PHF20: variants seen among roughly 807,000 people sequenced by gnomAD.
PHF20 encodes the protein PHD finger protein 20, also known as glioma-expressed antigen 2.
PHF20 carries 23 observed loss-of-function variants against 113.5 expected under a neutral mutation model. That is an observed-to-expected ratio of 0.20 (90% CI 0.15 to 0.29). PHF20 has a LOEUF of 0.29. Ranked by LOEUF, PHF20 falls within the 10% of genes least tolerant of loss-of-function variation. PHF20 has a pLI of 1.00. For synonymous variants in PHF20, 434 were observed against 457.3 expected (o/e 0.95, Z 0.65); for missense variants, 943 against 1,219.6 (o/e 0.77, Z 3.38).
intron 9 of PHF20, among the ~76,000 whole-genome samples, chr20:35,889,704 C>T (rs890667387): frequency 6.9e-6 from 1 of 144,572 alleles, no homozygotes; most frequent in African/African-American, 2.7e-5. Context: ...CATGCATATT[C>T]TGTTTCTTAA....
chr20:35,835,268 C>T (rs1196413253), intron 2 of PHF20, among the ~76,000 whole-genome samples: 3 of 150,940 alleles, frequency 2.0e-5, no homozygotes, highest in Non-Finnish European at 4.4e-5. Flanking sequence ...GAGCGAGATG[C>T]CATCTCAAAA....
chr20:35,936,174 T>C (rs963526172), intron 15 of PHF20, among the ~76,000 whole-genome samples: 1 of 152,216 alleles, frequency 6.6e-6, no homozygotes, highest in African/African-American at 2.4e-5. Flanking sequence ...GTGTGTTCCA[T>C]GTTAACAGGT....
At chr20:35,833,861 C>A (rs2042393787) in intron 2 of PHF20, among the ~76,000 whole-genome samples, 1 of 152,064 alleles carries the variant, frequency 6.6e-6, no homozygotes, top group South Asian at 2.1e-4. Context: ...AGTTCAAGAC[C>A]AGCCTGGCCA....
At chr20:35,801,727 G>A (rs1215202060) in intron 2 of PHF20, 122 bp downstream of exon 2, 4 of 633,002 alleles carry the variant, frequency 6.3e-6, no homozygotes, top group South Asian at 5.8e-5. Flanking sequence ...TGGAAGATGT[G>A]AGGAAATGTC....
intron 12 of PHF20, among the ~76,000 whole-genome samples, chr20:35,915,087 C>CAT (rs1468154450): frequency 2.0e-5 from 3 of 147,914 alleles, no homozygotes; most frequent in African/African-American, 2.5e-5. Context: ...CACTTACACA[C>CAT]ATATATATAT....
chr20:35,922,950 AC>A (rs1211512437), intron 13 of PHF20, among the ~76,000 whole-genome samples: 2 of 151,996 alleles, frequency 1.3e-5, no homozygotes, highest in Non-Finnish European at 2.9e-5. Flanking sequence ...CCCTGTCTCT[AC>A]AAAAAATACA....
chr20:35,938,556 C>T (rs984711611), intron 15 of PHF20, 141 bp from the exon 16 acceptor site: 1 of 786,912 alleles, frequency 1.3e-6, no homozygotes, highest in South Asian at 1.7e-5. Flanking sequence ...TTCACATTCG[C>T]TCTTGTTTAG....
intron 17 of PHF20, among the ~76,000 whole-genome samples, chr20:35,942,366 G>T (rs946493246): frequency 2.0e-5 from 3 of 152,178 alleles, no homozygotes; most frequent in African/African-American, 4.8e-5. Context: ...ACAAAAAAGT[G>T]TAGCTCTTGA....
In PHF20 at chr20:35,938,835, C is replaced by T. The variant is rs545031198; in HGVS notation, c.2439C>T (p.Asn813=). ...AAGCTCCAAGCTATAGAACTTTGAACGGGGCAGTGGAGAAGCCCAGGCCCC... is the reference window on the plus strand; with the variant it reads ...AAGCTCCAAGCTATAGAACTTTGAATGGGGCAGTGGAGAAGCCCAGGCCCC... ...KEEAPSYRTL[N]GAVEKPRPLA... is the part of the protein sequence containing the mutation. Residue 813 remains asparagine, a synonymous_variant, in exon 16 of 18, where the codon AAC becomes AAT. Transcript: ENST00000374012. 17 of 1,614,186 alleles carry T rather than the reference C, an allele frequency of 1.1e-5. No individual in the cohort carries two copies. Among genetic ancestry groups the T allele is most frequent in the South Asian group, 3.3e-5 (3 of 91,084 alleles).
At chr20:35,852,843 C>T (rs1006612936) in intron 4 of PHF20, among the ~76,000 whole-genome samples, 9 of 151,634 alleles carry the variant, frequency 5.9e-5, no homozygotes, top group African/African-American at 1.2e-4. Context: ...ATGATCCACC[C>T]GCGTCGGTCT....
rs2041723750 is a variant in PHF20, at chr20:35,798,963, T to A, written c.-32-2528T>A. On this transcript the variant is annotated intron_variant, in intron 1 of 17. Coordinates refer to ENST00000374012, the MANE Select transcript of PHF20 (RefSeq NM_016436.5). ...TTAATGTGAGCTCCATGTGGTACAATTTTGCATCCTGCCTTTTTATGTAAT... is the reference window on the plus strand; with the variant it reads ...TTAATGTGAGCTCCATGTGGTACAAATTTGCATCCTGCCTTTTTATGTAAT... Among the ~76,000 whole-genome samples the A allele has an allele frequency of 2.0e-5, 3 of 152,116 alleles. No individual in the cohort carries two copies. In the South Asian group the frequency reaches 6.2e-4, roughly 32 times the overall value.
chr20:35,898,454 G>T (rs2055032213), intron 9 of PHF20, among the ~76,000 whole-genome samples: 1 of 151,690 alleles, frequency 6.6e-6, no homozygotes. Context: ...TATTTTTTTT[G>T]AGACAGAGTC....
intron 1 of PHF20, chr20:35,800,266 A>G (rs192724300): frequency 6.6e-6 from 1 of 152,172 alleles, no homozygotes; most frequent in African/African-American, 2.4e-5. Context: ...GGACTCAAGA[A>G]GTAGGAAATA....
chr20:35,877,438 T>C (rs1002702074), intron 9 of PHF20, among the ~76,000 whole-genome samples: 2 of 151,640 alleles, frequency 1.3e-5, no homozygotes, highest in South Asian at 2.1e-4. Context: ...TCTTTTCTTT[T>C]TTTTCTTTTT....
chr20:35,938,308 A>T (rs1321336283), intron 15 of PHF20, among the ~76,000 whole-genome samples: 1 of 152,086 alleles, frequency 6.6e-6, no homozygotes, highest in African/African-American at 2.4e-5. Context: ...GGCCAAGAGG[A>T]GGGGTCCATT....
chr20:35,851,037 A>T (rs888437921), intron 4 of PHF20: 66 of 350,268 alleles, frequency 1.9e-4, no homozygotes, highest in African/African-American at 1.3e-3. Flanking sequence ...CAAATGATCC[A>T]CCCGCCTCAG....
rs1390666753 is a variant in PHF20 at position 35,870,965 on chromosome 20, G to A, written c.933G>A (p.Lys311=). ...PRLDKNSSQE[K]SKNYSENTDK... ...TTAATGGTTTAATAGCCCAGGAAAA[G>A]TCAAAAAACTACTCGGAAAACACTG... Residue 311 remains lysine (K), a synonymous_variant, in exon 8 of 18, where the codon AAG becomes AAA. Coordinates refer to ENST00000374012, the MANE Select transcript of PHF20 (RefSeq NM_016436.5). 1 of 1,593,638 alleles carries A rather than the reference G, an allele frequency of 6.3e-7. No individual in the cohort carries two copies. Among genetic ancestry groups the A allele is most frequent in the African/African-American group, 1.4e-5 (1 of 73,390 alleles).
chr20:35,872,251 G>A (rs939363876), intron 9 of PHF20, among the ~76,000 whole-genome samples: 7 of 151,598 alleles, frequency 4.6e-5, no homozygotes, highest in Non-Finnish European at 1.0e-4. Flanking sequence ...GGCTGGGCGC[G>A]ATGGCTCATG....
At chr20:35,859,189 G>T (rs1219064660) in intron 5 of PHF20, among the ~76,000 whole-genome samples, 1 of 152,116 alleles carries the variant, frequency 6.6e-6, no homozygotes, top group African/African-American at 2.4e-5. Flanking sequence ...GTATCCTGTT[G>T]TTCCAGTCAC....
Sources: allele counts gnomAD v4.1 joint callset (sites outside exome capture counted in the v4.1 genomes callset), GRCh38; gene constraint gnomAD v4.1.1; transcripts MANE v1.5; gene names NCBI Gene and HGNC (gene_info 2026-07-23, HGNC 2026-07-21).